Variants in MYOM3 observed in about 807,000 individuals in gnomAD.
MYOM3 encodes the protein myomesin-3.
A neutral mutation model predicts 191.7 loss-of-function variants in MYOM3; 155 were observed. That is an observed-to-expected ratio of 0.81 (90% CI 0.71 to 0.92). The LOEUF (loss-of-function observed/expected upper bound fraction) is 0.92. Ranked by LOEUF, MYOM3 falls within the 40% of genes least tolerant of loss-of-function variation. The pLI is 0.00. For missense variants in MYOM3, 1,889 were observed against 1,890.6 expected, an observed-to-expected ratio of 1.00 and a Z score of 0.02; for synonymous variants, 757 against 762.9, an observed-to-expected ratio of 0.99 and a Z score of 0.13.
chr1:24,105,893 G>A lies in MYOM3; in HGVS notation c.560+27C>T, dbSNP rs748427298. 12 of 1,581,696 alleles carry A rather than the reference G, an allele frequency of 7.6e-6. No individual in the cohort carries two copies. In the East Asian group the frequency reaches 2.7e-4, roughly 36 times the overall value. On this transcript the variant is annotated intron_variant, in intron 5 of 36. Transcript: ENST00000374434. ...ACTCACTTGTGACCCCAGAGGCCCA[G>A]AACCCCTTCCTGCCCCAGCGGCTTA...
At chr1:24,066,499 A>C in intron 28 of MYOM3, 1 of 508,946 alleles carries the variant, frequency 2.0e-6, no homozygotes, top group South Asian at 2.2e-5. Flanking sequence ...TTATCTAAAC[A>C]GGCTGAAGAG....
At chr1:24,110,222 C>T (rs996050579) in intron 1 of MYOM3, among the ~76,000 whole-genome samples, 2 of 152,222 alleles carry the variant, frequency 1.3e-5, no homozygotes, top group South Asian at 4.1e-4. Context: ...CCTGCCCAGG[C>T]GTGGGGATGG....
At chr1:24,105,080 G>GCCCCTGCCCCTT (rs1643970892) in intron 5 of MYOM3, among the ~76,000 whole-genome samples, 1 of 151,884 alleles carries the variant, frequency 6.6e-6, no homozygotes, top group African/African-American at 2.4e-5. Context: ...CCCTGCCCCT[G>GCCCCTGCCCCTT]CCCCTGCCCC....
chr1:24,076,101 A>G (rs948524097), intron 21 of MYOM3, 58 bp downstream of exon 21: 32 of 1,387,442 alleles, frequency 2.3e-5, no homozygotes, highest in Non-Finnish European at 3.3e-5. Flanking sequence ...CTTGAACTCC[A>G]CCCGTCCCCA....
chr1:24,073,417 C>T (rs923358084), intron 23 of MYOM3, among the ~76,000 whole-genome samples: 2 of 152,174 alleles, frequency 1.3e-5, no homozygotes, highest in South Asian at 2.1e-4. Context: ...ACGTGGTATT[C>T]ACTCTCTGGT....
In MYOM3 at chr1:24,063,867, A is replaced by G. The variant is rs1399860549; in HGVS notation, c.3622+205T>C. Among the ~76,000 whole-genome samples, 1 of 152,056 alleles carries G rather than the reference A, an allele frequency of 6.6e-6. No homozygotes were observed. Among genetic ancestry groups the G allele is most frequent in the Non-Finnish European group, 1.5e-5 (1 of 67,994 alleles). ...TCCAAGCCTGGGCTCACTGTGGTAT[A>G]CTGTGGTGAACGAGGGCATCGGAGT... On this transcript the variant is annotated intron_variant, in intron 30 of 36. Transcript: ENST00000374434. The surrounding 1 kb of genome is among the most constrained non-coding windows in gnomAD (Gnocchi z 4.5).
chr1:24,066,941 G>T, intron 28 of MYOM3, 80 bp downstream of exon 28: 1 of 1,319,404 alleles, frequency 7.6e-7, no homozygotes, highest in Non-Finnish European at 1.1e-6. Context: ...GGCCGGGTGG[G>T]CAGGGACAGC....
intron 35 of MYOM3, 123 bp downstream of exon 35, chr1:24,060,936 AC>A: frequency 4.7e-6 from 5 of 1,056,990 alleles, no homozygotes; most frequent in African/African-American, 1.6e-5. Context: ...GCTCTGTAAG[AC>A]CCTAGAGCCC....
intron 2 of MYOM3, 66 bp downstream of exon 2, chr1:24,108,410 C>T (rs1398937793): frequency 1.4e-5 from 20 of 1,431,324 alleles, no homozygotes; most frequent in African/African-American, 1.4e-5. Context: ...TAGGCTGGGC[C>T]TCCCTCCTCA....
At position 24,061,101 on chromosome 1, in the gene MYOM3, A is replaced by G. The variant is rs1242125505; in HGVS notation, c.3972-19T>C. 5 of 1,614,026 alleles carry G rather than the reference A, an allele frequency of 3.1e-6. No individual in the cohort carries two copies. The highest frequency in any genetic ancestry group is 3.4e-6 in the Non-Finnish European group (4 of 1,180,008). On this transcript the variant is annotated intron_variant, in intron 34 of 36. Coordinates refer to ENST00000374434, the MANE Select transcript of MYOM3 (RefSeq NM_152372.4). ...CAAGGTTCTGAAAAACAGAAATGGG[A>G]ACAAGGTGTGACATTCCACTTGCTA...
At chr1:24,072,533 T>C (rs1333589965) in intron 23 of MYOM3, among the ~76,000 whole-genome samples, 1 of 152,036 alleles carries the variant, frequency 6.6e-6, no homozygotes, top group Non-Finnish European at 1.5e-5. Context: ...CTTCTTCTTG[T>C]TCGTTTTTTC....
chr1:24,061,365 G>A (rs933553088), intron 33 of MYOM3, 56 bp from the exon 34 acceptor site: 3 of 1,562,756 alleles, frequency 1.9e-6, no homozygotes, highest in Non-Finnish European at 2.6e-6. Flanking sequence ...GTCTGATGAT[G>A]GGGACAGGGT....
intron 23 of MYOM3, among the ~76,000 whole-genome samples, chr1:24,072,974 T>C (rs1359090105): frequency 6.6e-6 from 1 of 152,196 alleles, no homozygotes; most frequent in East Asian, 1.9e-4. Context: ...TCATTTTCCC[T>C]AGTAAGCCCC....
intron 6 of MYOM3, among the ~76,000 whole-genome samples, chr1:24,098,214 G>A (rs1056179483): frequency 6.6e-6 from 1 of 152,134 alleles, no homozygotes; most frequent in Admixed American, 6.5e-5. Context: ...TGAAAAACTG[G>A]GGACACGACA....
In MYOM3 at chr1:24,067,325, C is replaced by CTTCTTTCTTTCT. The variant is rs796793986; in HGVS notation, c.3356-249_3356-238dup. 3.1e-3 allele frequency among the ~76,000 whole-genome samples: 185 copies of CTTCTTTCTTTCT among 58,868 alleles called. 4 individuals are homozygous for CTTCTTTCTTTCT. Among genetic ancestry groups the CTTCTTTCTTTCT allele is most frequent in the Non-Finnish European group, 4.7e-3 (137 of 29,166 alleles). The allele number at this position is 58,868 out of a possible 152,430, so 38.6% of individuals were successfully genotyped here. On this transcript the variant is annotated intron_variant, in intron 27 of 36. Transcript: ENST00000374434. The stretch of plus-strand genomic sequence containing the variant: ...CTTTCCTTCTTTCTTTCTTTCTTTC[C>CTTCTTTCTTTCT]TTCTTTCTTTCTTTCTTTCTTTCTT...
At chr1:24,065,301 C>T (rs984247522) in intron 29 of MYOM3, among the ~76,000 whole-genome samples, 1 of 152,226 alleles carries the variant, frequency 6.6e-6, no homozygotes, top group African/African-American at 2.4e-5. Context: ...AGGCCACAGA[C>T]ATCAGCAGCA....
Position 24,066,193 on chromosome 1 carries a change from T to C in MYOM3, c.3424-192A>G, listed in dbSNP as rs760305549. 4.2e-6 allele frequency: 3 copies of C among 718,084 alleles called. No individual in the cohort carries two copies. The South Asian group carries it at 4.4e-5, about 11-fold the overall frequency. 44.5% of individuals were successfully genotyped at this position (718,084 alleles called of 1,614,324 possible). A position where few individuals can be genotyped will look rare whatever the true frequency, so the allele number is the denominator to read the frequency against. ...CTTGATCCCTGCCTTACTCTATTTT[T>C]CTTGGAAATGTCCATGTGCTTCAGT... On this transcript the variant is annotated intron_variant, in intron 28 of 36. Transcript: ENST00000374434.
chr1:24,058,761 G>A (rs1401770915), intron 36 of MYOM3, among the ~76,000 whole-genome samples, 163 bp downstream of exon 36: 2 of 152,176 alleles, frequency 1.3e-5, no homozygotes, highest in Non-Finnish European at 2.9e-5. Flanking sequence ...GCTGACACCA[G>A]GCCCAGTGAC....
Position 24,071,111 on chromosome 1 carries a change from A to T in MYOM3, c.3150+6T>A, listed in dbSNP as rs1643526116. The T allele has an allele frequency of 6.2e-7, 1 of 1,613,516 alleles. No homozygotes were observed. The stretch of plus-strand genomic sequence containing the variant: ...CTCACTTCAGGGATTGTGAGCACCC[A>T]ATTACCGGCGAGCTGAAGATCTCCT... On this transcript the variant is annotated splice_donor_region_variant and intron_variant, in intron 25 of 36. Transcript: ENST00000374434.
Sources: gnomAD v4.1 joint callset for allele counts (sites outside exome capture counted in the v4.1 genomes callset) on GRCh38, gnomAD v4.1.1 for gene constraint, Gnocchi (gnomAD v3.1) non-coding constraint, MANE v1.5 for transcripts, NCBI Gene and HGNC (gene_info 2026-07-23, HGNC 2026-07-21) for gene names.